MPP7: variants seen among roughly 807,000 people sequenced by gnomAD.
MPP7 encodes MAGUK p55 scaffold protein 7, also known as MAGUK p55 subfamily member 7.
A neutral mutation model predicts 76.5 loss-of-function variants in MPP7; 60 were observed. The observed-to-expected ratio is 0.78, with a 90% CI of 0.64 to 0.97. The LOEUF (loss-of-function observed/expected upper bound fraction) is 0.97. MPP7 is among the 50% of genes least tolerant of loss of function. MPP7 has a pLI of 0.00. For synonymous variants in MPP7, 237 were observed against 244.5 expected (o/e 0.97, Z 0.29); for missense variants, 641 against 694.0 (o/e 0.92, Z 0.86).
intron 1 of MPP7, among the ~76,000 whole-genome samples, chr10:28,302,277 A>G (rs2133159732): frequency 6.6e-6 from 1 of 152,190 alleles, no homozygotes. Flanking sequence ...TCTACCTGTC[A>G]CTTAAGAAAA....
At chr10:28,265,958 G>A (rs1313707952) in intron 1 of MPP7, among the ~76,000 whole-genome samples, 1 of 152,030 alleles carries the variant, frequency 6.6e-6, no homozygotes. Flanking sequence ...CTTCACAAGG[G>A]CCTTCTGTTC....
rs1192149562 is a variant in MPP7 at position 28,313,853 on chromosome 10, A to ATTTTTTTT, written c.-132+16068_-132+16075dup. Among the ~76,000 whole-genome samples, 18 of 32,672 alleles carry ATTTTTTTT rather than the reference A, an allele frequency of 5.5e-4. 3 individuals carry two copies. The highest frequency in any genetic ancestry group is 6.3e-4 in the Non-Finnish European group (12 of 18,984). 21.4% of individuals were successfully genotyped at this position (32,672 alleles called of 152,430 possible). A position where few individuals can be genotyped will look rare whatever the true frequency, so the allele number is the denominator to read the frequency against. On this transcript the variant is annotated intron_variant, in intron 2 of 11. Transcript: ENST00000441595. ...AGGTGTGTGCCACTATACCTGGCTA[A>ATTTTTTTT]TTTTTTTTTTTTTATTTTTTTTATT...
chr10:28,238,093 C>T (rs548879621), intron 2 of MPP7, among the ~76,000 whole-genome samples: 1 of 151,232 alleles, frequency 6.6e-6, no homozygotes, highest in Non-Finnish European at 1.5e-5. Context: ...TGGTATGTAT[C>T]AATTTCAGGA....
intron 3 of MPP7, among the ~76,000 whole-genome samples, chr10:28,174,668 A>C (rs1190725220): frequency 6.6e-6 from 1 of 152,166 alleles, no homozygotes; most frequent in African/African-American, 2.4e-5. Flanking sequence ...ATCATACCTT[A>C]AGAAAATACA....
intron 3 of MPP7, among the ~76,000 whole-genome samples, chr10:28,153,459 C>A (rs1743114378): frequency 6.6e-6 from 1 of 151,986 alleles, no homozygotes; most frequent in African/African-American, 2.4e-5. Flanking sequence ...ATATTAAATG[C>A]ACTATTAAGA....
At chr10:28,220,202 G>A (rs929003843) in intron 2 of MPP7, among the ~76,000 whole-genome samples, 4 of 152,204 alleles carry the variant, frequency 2.6e-5, no homozygotes, top group Non-Finnish European at 4.4e-5. Flanking sequence ...CTTTAAATAG[G>A]TTCCAATTTG....
At chr10:28,072,826 T>C (rs1852300846) in intron 12 of MPP7, among the ~76,000 whole-genome samples, 1 of 152,224 alleles carries the variant, frequency 6.6e-6, no homozygotes, top group African/African-American at 2.4e-5. Flanking sequence ...CTCACTCAGT[T>C]ATTCTTCCCA....
intron 1 of MPP7, among the ~76,000 whole-genome samples, chr10:28,271,275 T>C (rs28431063): frequency 0.048 from 7,254 of 152,274 alleles, 596 homozygotes; most frequent in African/African-American, 0.16. Flanking sequence ...AACATTTGTT[T>C]TACTTGAGAA....
intron 2 of MPP7, 149 bp downstream of exon 2, chr10:28,238,419 G>A: frequency 1.3e-6 from 1 of 747,080 alleles, no homozygotes; most frequent in East Asian, 2.7e-5. Context: ...TACCTAGGAG[G>A]GCATCCCTGA....
intron 2 of MPP7, among the ~76,000 whole-genome samples, chr10:28,204,982 T>A (rs1440952873): frequency 1.3e-5 from 2 of 152,348 alleles, no homozygotes; most frequent in East Asian, 3.9e-4. Context: ...TTTAAGTTTT[T>A]ATAAAAAATA....
rs114614908 is a variant in MPP7, at chr10:28,230,876, G to A, written c.37+7692C>T. On this transcript the variant is annotated intron_variant, in intron 2 of 16. Transcript: ENST00000683449. ...AGAACTACAAGATAAATCCATAATC[G>A]CTGAGGGAGATTTTTAAAAATACTT... Among the ~76,000 whole-genome samples the A allele has an allele frequency of 6.2e-3, 948 of 152,042 alleles. 9 individuals carry two copies. Among genetic ancestry groups the A allele is most frequent in the African/African-American group, 0.022 (912 of 41,482 alleles).
intron 5 of MPP7, among the ~76,000 whole-genome samples, chr10:28,140,026 T>C (rs1835462836): frequency 1.3e-5 from 2 of 152,154 alleles, no homozygotes; most frequent in South Asian, 4.1e-4. Flanking sequence ...CAAATTTAAA[T>C]AAGTCAGGAT....
chr10:28,252,592 T>A (rs1839648808), intron 1 of MPP7, among the ~76,000 whole-genome samples: 3 of 152,244 alleles, frequency 2.0e-5, no homozygotes, highest in Admixed American at 2.0e-4. Flanking sequence ...GTTTTCTAGA[T>A]ACTCTCACTG....
At chr10:28,153,202 C>T (rs778431576) in intron 3 of MPP7, among the ~76,000 whole-genome samples, 1 of 151,338 alleles carries the variant, frequency 6.6e-6, no homozygotes, top group Non-Finnish European at 1.5e-5. Flanking sequence ...TGCAGTGAGC[C>T]GAGATCTCAC....
chr10:28,121,803 C>G (rs1834849517), intron 8 of MPP7, among the ~76,000 whole-genome samples: 1 of 145,776 alleles, frequency 6.9e-6, no homozygotes, highest in Non-Finnish European at 1.5e-5. Context: ...AACCAGGACT[C>G]CATTTATTTA....
At position 28,125,081 on chromosome 10, in the gene MPP7, A is replaced by T; in HGVS notation, c.458T>A (p.Ile153Asn). The T allele has an allele frequency of 1.2e-6, 2 of 1,613,966 alleles. No homozygotes were observed. Among genetic ancestry groups the T allele is most frequent in the Non-Finnish European group, 1.7e-6 (2 of 1,179,906 alleles). ...VKNREPLGAT[I>N]KKDEQTGAII... ...CGCCCCGGTCTGTTCATCCTTCTTA[A>T]TGGTAGCTCCCTTTTAAGACAAAAA... The change falls in exon 7 of 17, where the codon ATT (isoleucine) becomes AAT (asparagine). Residue 153 changes from isoleucine to asparagine, a missense_variant. Transcript: ENST00000683449.
At chr10:28,200,903 T>C (rs917615209) in intron 3 of MPP7, among the ~76,000 whole-genome samples, 1 of 152,170 alleles carries the variant, frequency 6.6e-6, no homozygotes, top group Admixed American at 6.5e-5. Context: ...TCAAATATAT[T>C]TTATTCCTGC....
chr10:28,308,658 G>C (rs979156099), intron 2 of MPP7, among the ~76,000 whole-genome samples: 5 of 151,964 alleles, frequency 3.3e-5, no homozygotes, highest in Non-Finnish European at 5.9e-5. Context: ...CACACCTGTA[G>C]TCTCAGCTAT....
chr10:28,194,553 AT>A (rs1241938503), intron 3 of MPP7, among the ~76,000 whole-genome samples: 1 of 152,228 alleles, frequency 6.6e-6, no homozygotes, highest in Non-Finnish European at 1.5e-5. Flanking sequence ...AAGTAAAGAA[AT>A]GGGCTATGTT....
Sources: gnomAD v4.1 joint callset for allele counts (sites outside exome capture counted in the v4.1 genomes callset) on GRCh38, gnomAD v4.1.1 for gene constraint, MANE v1.5 for transcripts, NCBI Gene and HGNC (gene_info 2026-07-23, HGNC 2026-07-21) for gene names.